The following VCL variants were observed in gnomAD, a reference collection of about 807,000 sequenced individuals.
VCL encodes the protein epididymis luminal protein 114.
VCL carries 47 observed loss-of-function variants against 125.7 expected under a neutral mutation model. The observed-to-expected ratio is 0.37, with a 90% CI of 0.30 to 0.48. The LOEUF (loss-of-function observed/expected upper bound fraction) is 0.48. Among genes scored for constraint, VCL ranks in the 20% least tolerant of loss-of-function variants. The pLI is 0.99. For missense variants in VCL, 1,069 were observed against 1,455.5 expected, an observed-to-expected ratio of 0.73 and a Z score of 4.32; for synonymous variants, 458 against 514.6, an observed-to-expected ratio of 0.89 and a Z score of 1.49.
chr10:74,111,901 C>T lies in VCL; in HGVS notation c.2746-8C>T, dbSNP rs532645343. ...CCCTATTTCTCATCCTTCCCGCCATCGACAAAGCCGGGCATCCCAGCCGCT... is the reference window on the plus strand; with the variant it reads ...CCCTATTTCTCATCCTTCCCGCCATTGACAAAGCCGGGCATCCCAGCCGCT... On this transcript the variant is annotated splice_polypyrimidine_tract_variant and splice_region_variant and intron_variant, in intron 18 of 21. Transcript: ENST00000211998. 94 of 1,614,162 alleles carry T rather than the reference C, an allele frequency of 5.8e-5. No homozygotes were observed. The Middle Eastern group carries it at 1.3e-3, about 23-fold the overall frequency.
At chr10:74,084,634 G>C (rs1249089974) in intron 8 of VCL, among the ~76,000 whole-genome samples, 1 of 149,288 alleles carries the variant, frequency 6.7e-6, no homozygotes, top group African/African-American at 2.5e-5. Context: ...TTTTTGAGAT[G>C]GGAGATTCGC....
At chr10:74,037,742 T>C (rs1841009152) in intron 1 of VCL, among the ~76,000 whole-genome samples, 1 of 152,204 alleles carries the variant, frequency 6.6e-6, no homozygotes, top group African/African-American at 2.4e-5. Context: ...CAGCTTCTCC[T>C]TTCCAGGCCT....
Position 74,090,038 on chromosome 10 carries a change from C to T in VCL, c.1192C>T (p.Pro398Ser), listed in dbSNP as rs201528612. 37 of 1,613,990 alleles carry T rather than the reference C, an allele frequency of 2.3e-5. No homozygotes were observed. In the East Asian group the frequency reaches 6.2e-4, roughly 27 times the overall value. ...IDAAQNWLAD[P>S]NGGPEGEEQI... ...CTATGTGTAGAACTGGCTTGCAGATCCAAATGGTGGACCGGAAGGAGAAGA... is the reference window on the plus strand; with the variant it reads ...CTATGTGTAGAACTGGCTTGCAGATTCAAATGGTGGACCGGAAGGAGAAGA... The change falls in exon 10 of 22, where the codon CCA becomes TCA. Residue 398 changes from proline to serine, a missense_variant. Physicochemically the swap from Pro to Ser is moderately conservative, Grantham distance 74. Coordinates refer to ENST00000211998, the MANE Select transcript of VCL (RefSeq NM_014000.3).
intron 1 of VCL, among the ~76,000 whole-genome samples, chr10:74,020,198 T>A (rs1018685673): frequency 1.3e-5 from 2 of 152,172 alleles, no homozygotes; most frequent in African/African-American, 4.8e-5. Flanking sequence ...ATTGGTGGTG[T>A]CGGAGTGCAA....
chr10:74,019,579 G>A (rs1277280137), intron 1 of VCL, among the ~76,000 whole-genome samples: 1 of 152,192 alleles, frequency 6.6e-6, no homozygotes, highest in Admixed American at 6.5e-5. Context: ...GAGGTAGTAA[G>A]AGCTGCCTTC....
At chr10:74,038,497 C>T (rs1475951520) in intron 1 of VCL, among the ~76,000 whole-genome samples, 2 of 152,200 alleles carry the variant, frequency 1.3e-5, no homozygotes, top group Admixed American at 6.5e-5. Context: ...CAGTGCCGTT[C>T]GTTGTCCCTA....
chr10:74,045,958 C>A (rs1457773307), intron 2 of VCL, among the ~76,000 whole-genome samples: 1 of 152,028 alleles, frequency 6.6e-6, no homozygotes, highest in Non-Finnish European at 1.5e-5. Context: ...TTATTTTTAT[C>A]CTCCTTATGT....
rs1483023739 is a variant in VCL, at chr10:74,051,695, T to TA, written c.239+8542_239+8543insA. On this transcript the variant is annotated intron_variant, in intron 2 of 21. Transcript: ENST00000211998. ...ATAGTCTCTTCTTCTAACATAATAG[T>TA]TATTGTGAGGTTTAAATGAGTGAAA... Among the ~76,000 whole-genome samples the TA allele has an allele frequency of 3.9e-5, 6 of 152,322 alleles. No homozygotes were observed. The East Asian group carries it at 1.2e-3, about 29-fold the overall frequency.
intron 1 of VCL, among the ~76,000 whole-genome samples, chr10:74,019,155 C>T (rs1443938477): frequency 6.6e-6 from 1 of 152,150 alleles, no homozygotes; most frequent in Non-Finnish European, 1.5e-5. Context: ...TACGTATGTG[C>T]AAGTACATTT....
intron 6 of VCL, among the ~76,000 whole-genome samples, chr10:74,081,089 T>C (rs996300022): frequency 3.9e-5 from 6 of 152,184 alleles, no homozygotes; most frequent in Admixed American, 3.9e-4. Flanking sequence ...GCTACCATGG[T>C]TACATATAAC....
At chr10:74,062,930 T>C (rs1381568943) in intron 2 of VCL, among the ~76,000 whole-genome samples, 2 of 152,208 alleles carry the variant, frequency 1.3e-5, no homozygotes, top group East Asian at 3.9e-4. Context: ...CCAGCTGTGG[T>C]GTGGTAGCAC....
intron 6 of VCL, among the ~76,000 whole-genome samples, chr10:74,082,049 ACGAGG>A (rs1839684803): frequency 6.6e-6 from 1 of 152,194 alleles, no homozygotes; most frequent in African/African-American, 2.4e-5. Flanking sequence ...CCACATACTA[ACGAGG>A]CTTCCCTGAG....
At chr10:74,103,967 A>T (rs1290055926) in intron 15 of VCL, 39 bp downstream of exon 15, 10 of 1,594,062 alleles carry the variant, frequency 6.3e-6, no homozygotes, top group Non-Finnish European at 8.6e-6. Context: ...CTAATCCATG[A>T]AGAATGAGTT....
At chr10:74,045,463 C>G (rs1159363236) in intron 2 of VCL, among the ~76,000 whole-genome samples, 1 of 151,382 alleles carries the variant, frequency 6.6e-6, no homozygotes, top group Admixed American at 6.6e-5. Flanking sequence ...TCTGTACTAA[C>G]AATATAAAAA....
intron 16 of VCL, 46 bp from the exon 17 acceptor site, chr10:74,107,184 G>A: frequency 1.2e-6 from 2 of 1,613,686 alleles, no homozygotes; most frequent in East Asian, 2.2e-5. Context: ...ACAGTGCTTT[G>A]GGGCACTGAC....
At chr10:74,026,932 A>C (rs1840781769) in intron 1 of VCL, among the ~76,000 whole-genome samples, 1 of 152,182 alleles carries the variant, frequency 6.6e-6, no homozygotes, top group Non-Finnish European at 1.5e-5. Flanking sequence ...GGTTGTTTGG[A>C]GTTACTTTTC....
In VCL at chr10:74,097,141, G is replaced by C. The variant is rs1839981085; in HGVS notation, c.1744-63G>C. The stretch of plus-strand genomic sequence containing the variant: ...ATGAATGAATGTCAGTGAAGTAAGG[G>C]CATTAGTAGATATGCTTTGAGGATG... On this transcript the variant is annotated intron_variant, in intron 12 of 21. Coordinates refer to ENST00000211998, the MANE Select transcript of VCL (RefSeq NM_014000.3). The surrounding 1 kb of genome is among the most constrained non-coding windows in gnomAD (Gnocchi z 4.1). 6.3e-7 allele frequency: 1 copy of C among 1,595,336 alleles called. No homozygotes were observed. Among genetic ancestry groups the C allele is most frequent in the African/African-American group, 1.3e-5 (1 of 74,736 alleles).
At chr10:74,008,200 A>C (rs1296438300) in intron 1 of VCL, among the ~76,000 whole-genome samples, 1 of 152,254 alleles carries the variant, frequency 6.6e-6, no homozygotes, top group African/African-American at 2.4e-5. Flanking sequence ...TCCCATCCCC[A>C]GCTGTCAAAT....
intron 5 of VCL, among the ~76,000 whole-genome samples, chr10:74,073,183 C>G (rs1459565475): frequency 6.6e-6 from 1 of 152,172 alleles, no homozygotes; most frequent in Non-Finnish European, 1.5e-5. Flanking sequence ...TCGTGATCTG[C>G]CTGCCTCAGC....
Sources: allele counts gnomAD v4.1 joint callset (sites outside exome capture counted in the v4.1 genomes callset), GRCh38; gene constraint gnomAD v4.1.1; non-coding constraint Gnocchi (gnomAD v3.1); transcripts MANE v1.5; gene names NCBI Gene and HGNC (gene_info 2026-07-23, HGNC 2026-07-21).